COL12A1: variants seen among roughly 807,000 people sequenced by gnomAD.
The protein encoded by COL12A1 is collagen type XII alpha 1 chain.
COL12A1 carries 114 observed loss-of-function variants against 349.7 expected under a neutral mutation model. The ratio of observed to expected loss-of-function variants is 0.33; its 90% confidence interval spans 0.28 to 0.38. The LOEUF (loss-of-function observed/expected upper bound fraction) is 0.38, where lower values mean the gene tolerates loss of function less well. COL12A1 is among the 10% of genes least tolerant of loss of function. The pLI, the probability that COL12A1 is intolerant of heterozygous loss-of-function variation, is 1.00. For missense variants in COL12A1, 3,284 were observed against 3,756.9 expected (o/e 0.87, Z 3.29); for synonymous variants, 1,369 against 1,329.0 (o/e 1.03, Z -0.66).
rs1445434863 is a variant in COL12A1 at position 75,183,496 on chromosome 6, A to C, written c.1445T>G (p.Val482Gly). The change falls in exon 10 of 66, where the codon GTG becomes GGG. Residue 482 changes from valine to glycine, a missense_variant. Val to Gly is a moderately radical substitution (Grantham distance 109). Around this residue, in one of 2 missense-constraint regions of COL12A1, gnomAD observed 2,601 missense variants for 2,824.8 expected, o/e 0.92. Coordinates refer to ENST00000322507, the MANE Select transcript of COL12A1 (RefSeq NM_004370.6). ...ISPNRVQISL[V>G]QYSRDPHTEF... ...AGTATGAGGATCCCGGCTGTATTGC[A>C]CAAGACTAATCTGGACCCTATTTGG... 2 of 1,614,086 alleles carry C rather than the reference A, an allele frequency of 1.2e-6. No individual in the cohort carries two copies.
At chr6:75,179,668 C>T (rs373438777) in intron 11 of COL12A1, among the ~76,000 whole-genome samples, 1 of 152,136 alleles carries the variant, frequency 6.6e-6, no homozygotes, top group South Asian at 2.1e-4. Context: ...TTCCTTATAA[C>T]TATCTTAAAT....
chr6:75,181,117 A>G lies in COL12A1; in HGVS notation c.1986T>C (p.Tyr662=). The G allele has an allele frequency of 6.2e-7, 1 of 1,614,000 alleles. No homozygotes were observed. Among genetic ancestry groups the G allele is most frequent in the Non-Finnish European group, 8.5e-7 (1 of 1,179,998 alleles). The change falls in exon 11 of 66, where the codon TAT becomes TAC. Residue 662 remains tyrosine (Y), a synonymous_variant. Transcript: ENST00000322507. ...WSPAGENVFS[Y]HITYKEAAGD... is the part of the protein sequence containing the mutation. Reference sequence around the variant, plus strand: ...CAGCCGCTTCCTTGTAGGTGATGTGATATGAAAAAACATTTTCTCCAGCTG... The same window carrying G: ...CAGCCGCTTCCTTGTAGGTGATGTGGTATGAAAAAACATTTTCTCCAGCTG...
rs1333051927 is a variant in COL12A1 at position 75,133,822 on chromosome 6, AACAAACTAGCATTTTTTACT to A, written c.5664+16_5664+35del. 14 of 1,612,162 alleles carry A rather than the reference AACAAACTAGCATTTTTTACT, an allele frequency of 8.7e-6. No individual in the cohort carries two copies. Among genetic ancestry groups the A allele is most frequent in the African/African-American group, 1.3e-5 (1 of 74,852 alleles). On this transcript the variant is annotated intron_variant, in intron 33 of 65. Coordinates refer to ENST00000322507, the MANE Select transcript of COL12A1 (RefSeq NM_004370.6). The stretch of plus-strand genomic sequence containing the variant: ...TTTTAAATCACTCAGCTACCATTTA[AACAAACTAGCATTTTTTACT>A]ACAAGAAATAATTACCAGTTCCTCT...
chr6:75,188,522 T>C lies in COL12A1; in HGVS notation c.837A>G (p.Ala279=). 1 of 1,612,766 alleles carries C rather than the reference T, an allele frequency of 6.2e-7. No individual in the cohort carries two copies. The highest frequency in any genetic ancestry group is 2.2e-5 in the East Asian group (1 of 44,856). ...CAATTTGTTTGAGTTCTTTTGCATC[T>C]GCAGCTTTAATGCCTTCAAAACAAA... ...VEVFSLGIKA[A]DAKELKQIAS... The change falls in exon 8 of 66, where the codon GCA becomes GCG. Residue 279 remains alanine (A), a synonymous_variant. Transcript: ENST00000322507.
chr6:75,097,233 G>T lies in COL12A1; in HGVS notation c.8577+20C>A. 2 of 1,611,518 alleles carry T rather than the reference G, an allele frequency of 1.2e-6. No individual in the cohort carries two copies. Among genetic ancestry groups the T allele is most frequent in the Non-Finnish European group, 1.7e-6 (2 of 1,178,208 alleles). On this transcript the variant is annotated intron_variant, in intron 59 of 65. Transcript: ENST00000322507. Reference sequence around the variant, plus strand: ...GGGTGGGAGTGAAGGGCACAAAAATGAGACACATTTAGTTCTTACCGGCGG... The same window carrying T: ...GGGTGGGAGTGAAGGGCACAAAAATTAGACACATTTAGTTCTTACCGGCGG...
chr6:75,097,317 A>C lies in COL12A1; in HGVS notation c.8524-11T>G. The C allele has an allele frequency of 6.2e-7, 1 of 1,611,086 alleles. No homozygotes were observed. The highest frequency in any genetic ancestry group is 8.5e-7 in the Non-Finnish European group (1 of 1,177,854). ...TTTTCCAGTGAAGCCCTATTGTAAAAATGAAAGTAATTACAGTTAGGGAGG... is the reference window on the plus strand; with the variant it reads ...TTTTCCAGTGAAGCCCTATTGTAAACATGAAAGTAATTACAGTTAGGGAGG... On this transcript the variant is annotated splice_polypyrimidine_tract_variant and intron_variant, in intron 58 of 65. Transcript: ENST00000322507.
At position 75,142,158 on chromosome 6, in the gene COL12A1, C is replaced by T; in HGVS notation, c.4831G>A (p.Glu1611Lys). Residue 1611 changes from glutamate (E) to lysine (K), a missense_variant, in exon 27 of 66, where the codon GAG becomes AAG. Around this residue, in one of 2 missense-constraint regions of COL12A1, gnomAD observed 2,601 missense variants for 2,824.8 expected, o/e 0.92. Coordinates refer to ENST00000322507, the MANE Select transcript of COL12A1 (RefSeq NM_004370.6). ...KTPEEDVKEV[E>K]VDRSETSTSL... ...GTGCTGGTCTCTGATCTGTCCACCT[C>T]TACCTATAACAGTAACAGAGCAGTG... 6.2e-7 allele frequency: 1 copy of T among 1,614,076 alleles called. No individual in the cohort carries two copies.
intron 13 of COL12A1, among the ~76,000 whole-genome samples, chr6:75,167,186 T>A (rs371528573): frequency 3.3e-5 from 5 of 152,330 alleles, no homozygotes; most frequent in African/African-American, 1.2e-4. Flanking sequence ...AATATAAAAG[T>A]ACAATTTAAA....
Position 75,142,140 on chromosome 6 carries a change from T to G in COL12A1, c.4849A>C (p.Thr1617Pro), listed in dbSNP as rs750511139. The G allele has an allele frequency of 1.2e-6, 2 of 1,614,140 alleles. No homozygotes were observed. The highest frequency in any genetic ancestry group is 3.3e-5 in the Admixed American group (2 of 60,024). ...AAGAGGTCTTTGAGGGAAGTGCTGG[T>G]CTCTGATCTGTCCACCTCTACCTAT... ...VKEVEVDRSE[T>P]STSLKDLFSQ... The change falls in exon 27 of 66, where the codon ACC becomes CCC. Residue 1617 changes from threonine to proline, a missense_variant. Around this residue, in one of 2 missense-constraint regions of COL12A1, gnomAD observed 2,601 missense variants for 2,824.8 expected, o/e 0.92. Coordinates refer to ENST00000322507, the MANE Select transcript of COL12A1 (RefSeq NM_004370.6).
intron 51 of COL12A1, among the ~76,000 whole-genome samples, chr6:75,112,751 G>T (rs1768898548): frequency 6.6e-6 from 1 of 151,200 alleles, no homozygotes; most frequent in Non-Finnish European, 1.5e-5. Flanking sequence ...CATTTCACTG[G>T]CATGTTTGTA....
At chr6:75,104,225 A>G (rs1186195816) in intron 54 of COL12A1, among the ~76,000 whole-genome samples, 1 of 152,232 alleles carries the variant, frequency 6.6e-6, no homozygotes, top group Non-Finnish European at 1.5e-5. Flanking sequence ...ACAACTGAAC[A>G]AAGAGGAAAT....
In COL12A1 at chr6:75,191,815, T is replaced by C. The variant is rs528561402; in HGVS notation, c.335-55A>G. 131 of 1,164,280 alleles carry C rather than the reference T, an allele frequency of 1.1e-4. 2 individuals are homozygous for C. The South Asian group carries it at 2.1e-3, about 19-fold the overall frequency. The allele number at this position is 1,164,280 out of a possible 1,614,324, so 72.1% of individuals were successfully genotyped here. ...AAATGAACCCAAGCAGATATTCTCT[T>C]TAAAATAGAATAAATATATTATATT... On this transcript the variant is annotated intron_variant, in intron 4 of 65. Coordinates refer to ENST00000322507, the MANE Select transcript of COL12A1 (RefSeq NM_004370.6).
intron 35 of COL12A1, among the ~76,000 whole-genome samples, chr6:75,131,402 C>T (rs1334406082): frequency 1.3e-5 from 2 of 152,148 alleles, no homozygotes; most frequent in East Asian, 1.9e-4. Context: ...TCCTACCATA[C>T]ATGGGCATGA....
chr6:75,153,611 T>C (rs1041277201), intron 17 of COL12A1, among the ~76,000 whole-genome samples: 3 of 152,130 alleles, frequency 2.0e-5, no homozygotes, highest in East Asian at 1.9e-4. Flanking sequence ...ATATATTATA[T>C]ACTATATCAG....
intron 21 of COL12A1, 104 bp from the exon 22 acceptor site, chr6:75,148,601 C>A: frequency 1.0e-6 from 1 of 980,528 alleles, no homozygotes; most frequent in South Asian, 1.7e-5. Flanking sequence ...TCTAAGCTTT[C>A]ACACACTTCT....
chr6:75,128,333 A>G lies in COL12A1; in HGVS notation c.6303T>C (p.Asp2101=). 6.2e-7 allele frequency: 1 copy of G among 1,607,324 alleles called. No individual in the cohort carries two copies. Among genetic ancestry groups the G allele is most frequent in the Non-Finnish European group, 8.5e-7 (1 of 1,176,966 alleles). The change falls in exon 38 of 66, where the codon GAT becomes GAC. Residue 2101 remains aspartate, a synonymous_variant. Coordinates refer to ENST00000322507, the MANE Select transcript of COL12A1 (RefSeq NM_004370.6). ...TTCCTGTTAGATGGCCACCATCTCC[A>G]TCTTCATAAACAGCAATAACAGTAA... The part of the protein sequence containing the change: ...YKITVIAVYE[D]GDGGHLTGNG...
intron 14 of COL12A1, among the ~76,000 whole-genome samples, chr6:75,161,389 A>G (rs1768018986): frequency 6.6e-6 from 1 of 152,040 alleles, no homozygotes; most frequent in Admixed American, 6.6e-5. Context: ...TTGTATTGTT[A>G]TTTCTTATTG....
intron 37 of COL12A1, among the ~76,000 whole-genome samples, chr6:75,129,849 A>G (rs1314650507): frequency 6.6e-6 from 1 of 152,148 alleles, no homozygotes; most frequent in African/African-American, 2.4e-5. Flanking sequence ...ATGTGATAAG[A>G]TAGTTTTTCT....
chr6:75,202,764 G>T lies in COL12A1; in HGVS notation c.29C>A (p.Ala10Asp), dbSNP rs1394224981. 2.6e-6 allele frequency: 4 copies of T among 1,551,778 alleles called. No homozygotes were observed. Among genetic ancestry groups the T allele is most frequent in the African/African-American group, 1.4e-5 (1 of 73,058 alleles). The change falls in exon 2 of 66, where the codon GCC becomes GAC. Residue 10 changes from alanine (A) to aspartate (D), a missense_variant. Ala to Asp is a moderately radical substitution (Grantham distance 126, BLOSUM62 -2). Around this residue, in one of 2 missense-constraint regions of COL12A1, gnomAD observed 2,601 missense variants for 2,824.8 expected, o/e 0.92. Coordinates refer to ENST00000322507, the MANE Select transcript of COL12A1 (RefSeq NM_004370.6). ...CAGGAGCAGGGCCGCGCCCAGGGCG[G>T]CAAGCGCTGGGGGAAGCCTACTCCG... MRSRLPPAL[A>D]ALGAALLLSS...
Sources: allele counts gnomAD v4.1 joint callset (sites outside exome capture counted in the v4.1 genomes callset), GRCh38; gene constraint gnomAD v4.1.1; regional missense constraint gnomAD v4.1.1; transcripts MANE v1.5; gene names NCBI Gene and HGNC (gene_info 2026-07-23, HGNC 2026-07-21).